The following CREB1 variants were observed in gnomAD, a reference collection of about 807,000 sequenced individuals.
CREB1 encodes cyclic AMP-responsive element-binding protein 1.
CREB1 carries 2 observed loss-of-function variants against 42.0 expected under a neutral mutation model. The observed-to-expected ratio is 0.05, with a 90% CI of 0.02 to 0.15. The LOEUF (loss-of-function observed/expected upper bound fraction) is 0.15. Ranked by LOEUF, CREB1 falls within the 10% of genes least tolerant of loss-of-function variation. CREB1 has a pLI of 1.00. For synonymous variants in CREB1, 123 were observed against 139.9 expected, an observed-to-expected ratio of 0.88 and a Z score of 0.85; for missense variants, 199 against 388.9, an observed-to-expected ratio of 0.51 and a Z score of 4.11.
chr2:207,567,830 A>G (rs1262288348), intron 4 of CREB1: 5 of 242,174 alleles, frequency 2.1e-5, no homozygotes, highest in African/African-American at 9.0e-5. Flanking sequence ...AGTTTGGAAT[A>G]CAGTTGATAA....
At chr2:207,564,464 G>A (rs916390172) in intron 3 of CREB1, among the ~76,000 whole-genome samples, 6 of 151,250 alleles carry the variant, frequency 4.0e-5, no homozygotes, top group African/African-American at 7.3e-5. Context: ...GGCTGTGATC[G>A]CACCACTGCA....
chr2:207,597,690 T>C lies in CREB1; in HGVS notation c.*632T>C, dbSNP rs2106636816. On this transcript the variant is annotated 3_prime_UTR_variant, in exon 8 of 8. Coordinates refer to ENST00000353267, the MANE Select transcript of CREB1 (RefSeq NM_004379.5). ...AATTTGTCCTTGGTTCTTAAAAGCA[T>C]TCTGTACTAATACAGCTCTTCCATA... 1 of 206,838 alleles carries C rather than the reference T, an allele frequency of 4.8e-6. No individual in the cohort carries two copies. The highest frequency in any genetic ancestry group is 1.9e-4 in the South Asian group (1 of 5,290). 12.8% of individuals were successfully genotyped at this position (206,838 alleles called of 1,614,324 possible).
rs903465365 is a variant in CREB1, at chr2:207,537,199, C to T, written c.-9+7065C>T. 2.6e-5 allele frequency among the ~76,000 whole-genome samples: 4 copies of T among 151,946 alleles called. No individual in the cohort carries two copies. In the East Asian group the frequency reaches 7.8e-4, roughly 30 times the overall value. On this transcript the variant is annotated intron_variant, in intron 1 of 7. Coordinates refer to ENST00000353267, the MANE Select transcript of CREB1 (RefSeq NM_004379.5). ...CCTCCCAAGTAGCTGGGATTACAGG[C>T]GCCTGCCACCATGCCCAGCTAAAGA...
chr2:207,539,981 A>C (rs372175495), intron 1 of CREB1, among the ~76,000 whole-genome samples: 6 of 152,210 alleles, frequency 3.9e-5, no homozygotes, highest in African/African-American at 1.4e-4. Context: ...AGAAGGTAAG[A>C]TATAAACAGG....
At chr2:207,572,668 T>A (rs1301205013) in intron 5 of CREB1, among the ~76,000 whole-genome samples, 1 of 151,982 alleles carries the variant, frequency 6.6e-6, no homozygotes, top group Non-Finnish European at 1.5e-5. Flanking sequence ...TACAAAAAAT[T>A]AGCCGAGCGA....
In CREB1 at chr2:207,601,996, T is replaced by C. The variant is rs2087138410; in HGVS notation, c.*4938T>C. ...CAATGGCTAGGAGAGGCATTAATCT[T>C]TGAGGGGCTGAACATATCATGAAGC... is the stretch of plus-strand genomic sequence containing the variant. On this transcript the variant is annotated 3_prime_UTR_variant, in exon 8 of 8. Coordinates refer to ENST00000353267, the MANE Select transcript of CREB1 (RefSeq NM_004379.5). 4.8e-6 allele frequency: 1 copy of C among 206,888 alleles called. No individual in the cohort carries two copies. Among genetic ancestry groups the C allele is most frequent in the Non-Finnish European group, 9.9e-6 (1 of 101,514 alleles). 12.8% of individuals were successfully genotyped at this position (206,888 alleles called of 1,614,324 possible). A position where few individuals can be genotyped will look rare whatever the true frequency, so the allele number is the denominator to read the frequency against.
intron 7 of CREB1, chr2:207,578,027 A>T (rs1209293025): frequency 5.0e-6 from 1 of 198,858 alleles, no homozygotes; most frequent in Non-Finnish European, 1.0e-5. Context: ...ACTGTGTGTT[A>T]AATTTTATCT....
intron 7 of CREB1, among the ~76,000 whole-genome samples, chr2:207,590,430 G>GT (rs1310905903): frequency 3.3e-5 from 5 of 151,158 alleles, no homozygotes; most frequent in Non-Finnish European, 7.4e-5. Context: ...AGTTTCATTA[G>GT]TTTTCTCCTT....
intron 1 of CREB1, among the ~76,000 whole-genome samples, chr2:207,532,850 G>A (rs1220901242): frequency 6.6e-6 from 1 of 151,874 alleles, no homozygotes; most frequent in Admixed American, 6.6e-5. Context: ...CCGCCTCCCG[G>A]GTTCAAGCAA....
chr2:207,577,293 A>C, intron 6 of CREB1: 2 of 1,043,476 alleles, frequency 1.9e-6, no homozygotes, highest in Non-Finnish European at 2.6e-6. Flanking sequence ...GATCCAGCGG[A>C]CATAGGTTAC....
intron 1 of CREB1, among the ~76,000 whole-genome samples, chr2:207,534,451 G>A (rs187486778): frequency 3.2e-4 from 48 of 152,260 alleles, no homozygotes; most frequent in Admixed American, 9.2e-4. Context: ...TGGTCAGGCT[G>A]GTCTTGAATG....
chr2:207,582,560 A>G (rs12477957), intron 7 of CREB1, among the ~76,000 whole-genome samples: 5,180 of 152,172 alleles, frequency 0.034, 123 homozygotes, highest in Admixed American at 0.068. Context: ...TCCTTTTGAC[A>G]TGCCCCATTT....
rs1006478317 is a variant in CREB1, at chr2:207,600,061, G to A, written c.*3003G>A. 2.1e-5 allele frequency: 4 copies of A among 187,232 alleles called. No individual in the cohort carries two copies. The highest frequency in any genetic ancestry group is 1.9e-4 in the Admixed American group (3 of 16,186). The allele number at this position is 187,232 out of a possible 1,614,324, so 11.6% of individuals were successfully genotyped here. ...AGCTTTGATAATGTTTAACTGAAAA[G>A]TGGCTTAGAAAGGGCTAGATCCAAT... On this transcript the variant is annotated 3_prime_UTR_variant, in exon 8 of 8. Coordinates refer to ENST00000353267, the MANE Select transcript of CREB1 (RefSeq NM_004379.5).
chr2:207,555,890 AT>A (rs1395439882), intron 2 of CREB1, 141 bp downstream of exon 2: 16 of 569,810 alleles, frequency 2.8e-5, no homozygotes, highest in Non-Finnish European at 5.1e-5. Context: ...TTTACTTAGT[AT>A]TAGAGTATAT....
At chr2:207,551,935 A>G (rs1184467818) in intron 1 of CREB1, among the ~76,000 whole-genome samples, 2 of 148,716 alleles carry the variant, frequency 1.3e-5, no homozygotes, top group African/African-American at 4.9e-5. Flanking sequence ...CCAGCTACTC[A>G]GGAGGCTGAG....
Position 207,603,780 on chromosome 2 carries a change from A to G in CREB1, c.*6722A>G, listed in dbSNP as rs992079796. Among the ~76,000 whole-genome samples the G allele has an allele frequency of 1.3e-5, 2 of 152,202 alleles. No homozygotes were observed. The highest frequency in any genetic ancestry group is 2.9e-5 in the Non-Finnish European group (2 of 68,034). On this transcript the variant is annotated 3_prime_UTR_variant, in exon 8 of 8. Coordinates refer to ENST00000353267, the MANE Select transcript of CREB1 (RefSeq NM_004379.5). ...CCTTCTCAGGTCCCCTTGCAATTCT[A>G]AAACTCTGTGATCATATAAATTGGA...
intron 7 of CREB1, among the ~76,000 whole-genome samples, chr2:207,594,949 G>A (rs2085818866): frequency 6.8e-6 from 1 of 147,796 alleles, no homozygotes; most frequent in African/African-American, 2.5e-5. Context: ...ATACCTAGTG[G>A]TTTTGATTTG....
rs143098063 is a variant in CREB1 at position 207,547,579 on chromosome 2, A to G, written c.-8-8049A>G. Among the ~76,000 whole-genome samples, 211 of 152,296 alleles carry G rather than the reference A, an allele frequency of 1.4e-3. 1 individual carries two copies. Among genetic ancestry groups the G allele is most frequent in the African/African-American group, 4.8e-3 (198 of 41,560 alleles). On this transcript the variant is annotated intron_variant, in intron 1 of 7. Transcript: ENST00000353267. ...GTGAGATCAATTCTTCCAAGTGTTC[A>G]AAGTGTAAAAAGCTGTGAAACACCC...
At chr2:207,543,364 TTTATAAC>T (rs2081171413) in intron 1 of CREB1, among the ~76,000 whole-genome samples, 1 of 152,212 alleles carries the variant, frequency 6.6e-6, no homozygotes, top group Non-Finnish European at 1.5e-5. Context: ...GCGATGGTAG[TTTATAAC>T]TTATAAACTC....
Sources: allele counts gnomAD v4.1 joint callset (sites outside exome capture counted in the v4.1 genomes callset), GRCh38; gene constraint gnomAD v4.1.1; transcripts MANE v1.5; gene names NCBI Gene and HGNC (gene_info 2026-07-23, HGNC 2026-07-21).